Variants in GRID2 observed in about 807,000 individuals in gnomAD.
GRID2 encodes glutamate ionotropic receptor delta type subunit 2.
Under a neutral mutation model 114.8 loss-of-function variants are expected in GRID2, and 33 were observed. That is an observed-to-expected ratio of 0.29 (90% CI 0.22 to 0.38). GRID2 has a LOEUF of 0.38. Ranked by LOEUF, GRID2 falls within the 10% of genes least tolerant of loss-of-function variation. The pLI is 1.00. For missense variants in GRID2, 1,184 were observed against 1,257.7 expected (o/e 0.94, Z 0.89); for synonymous variants, 505 against 449.9 (o/e 1.12, Z -1.55).
chr4:92,970,960 A>G (rs970528320), intron 2 of GRID2, among the ~76,000 whole-genome samples: 3 of 151,770 alleles, frequency 2.0e-5, no homozygotes, highest in Non-Finnish European at 4.4e-5. Context: ...ATATATATGT[A>G]TATATACATC....
At position 93,684,522 on chromosome 4, in the gene GRID2, G is replaced by A. The variant is rs998399039; in HGVS notation, c.2360+58087G>A. On this transcript the variant is annotated intron_variant, in intron 14 of 15. Coordinates refer to ENST00000282020, the MANE Select transcript of GRID2 (RefSeq NM_001510.4). ...AGTTTCTTTTGGGGTGAAACAAAGA[G>A]AATGCTAAATTAATGAGTTTGACTC... Among the ~76,000 whole-genome samples, 4 of 152,188 alleles carry A rather than the reference G, an allele frequency of 2.6e-5. No individual in the cohort carries two copies. In the Middle Eastern group the frequency reaches 0.014, roughly 518 times the overall value.
At chr4:92,782,853 G>A (rs191365621) in intron 2 of GRID2, among the ~76,000 whole-genome samples, 1 of 152,046 alleles carries the variant, frequency 6.6e-6, no homozygotes, top group Non-Finnish European at 1.5e-5. Context: ...AGTTGGATTA[G>A]TACTAAAAGA....
At chr4:92,990,291 A>G (rs867924253) in intron 2 of GRID2, among the ~76,000 whole-genome samples, 2,152 of 115,322 alleles carry the variant, frequency 0.019, 89 homozygotes, top group African/African-American at 0.066. Flanking sequence ...GTGTGTGTAT[A>G]TATATATATA....
At chr4:93,538,864 G>A (rs1016306069) in intron 13 of GRID2, among the ~76,000 whole-genome samples, 4 of 150,996 alleles carry the variant, frequency 2.6e-5, no homozygotes, top group Non-Finnish European at 4.4e-5. Context: ...TGATAGGGTT[G>A]GGAACAGAAA....
chr4:92,520,513 G>T (rs936391076), intron 1 of GRID2, among the ~76,000 whole-genome samples: 1 of 151,934 alleles, frequency 6.6e-6, no homozygotes, highest in Non-Finnish European at 1.5e-5. Context: ...CATCTCTGCT[G>T]ATTGTGTTTC....
intron 8 of GRID2, among the ~76,000 whole-genome samples, chr4:93,384,334 G>A (rs761527887): frequency 2.0e-5 from 3 of 152,136 alleles, no homozygotes; most frequent in South Asian, 2.1e-4. Context: ...CACAGGGATA[G>A]GAGGAATTAT....
At chr4:93,461,613 T>C (rs192955197) in intron 11 of GRID2, among the ~76,000 whole-genome samples, 1 of 152,240 alleles carries the variant, frequency 6.6e-6, no homozygotes, top group East Asian at 1.9e-4. Context: ...CCTGACATTT[T>C]AAAAAATCTG....
At chr4:93,181,328 A>AGTAAAAGCTG (rs1739876036) in intron 4 of GRID2, among the ~76,000 whole-genome samples, 1 of 152,192 alleles carries the variant, frequency 6.6e-6, no homozygotes, top group Non-Finnish European at 1.5e-5. Context: ...TGCTGTAAAC[A>AGTAAAAGCTG]GATGTGCTGT....
intron 2 of GRID2, among the ~76,000 whole-genome samples, chr4:92,947,152 C>T (rs575520863): frequency 1.3e-5 from 2 of 152,114 alleles, no homozygotes; most frequent in East Asian, 3.9e-4. Flanking sequence ...ACCAATATCT[C>T]ACAGTCTTGG....
intron 13 of GRID2, among the ~76,000 whole-genome samples, chr4:93,556,019 GA>G (rs1734284430): frequency 3.9e-5 from 6 of 152,162 alleles, no homozygotes; most frequent in South Asian, 2.1e-4. Context: ...AGAAGGGCCT[GA>G]CTGTTAGAAG....
At chr4:93,125,056 T>C (rs1360673069) in intron 4 of GRID2, among the ~76,000 whole-genome samples, 1 of 152,106 alleles carries the variant, frequency 6.6e-6, no homozygotes, top group Non-Finnish European at 1.5e-5. Context: ...TGTTTTGTTT[T>C]TTGAGGTAAG....
rs1054849074 is a variant in GRID2 at position 93,396,340 on chromosome 4, A to G, written c.1347+632A>G. Among the ~76,000 whole-genome samples, 4 of 152,084 alleles carry G rather than the reference A, an allele frequency of 2.6e-5. No individual in the cohort carries two copies. In the East Asian group the frequency reaches 7.7e-4, roughly 29 times the overall value. ...AATAGGATTACAGTAGTTTCCCTTTATCTGTGGGGGATGCATTCCAAGACC... is the reference window on the plus strand; with the variant it reads ...AATAGGATTACAGTAGTTTCCCTTTGTCTGTGGGGGATGCATTCCAAGACC... On this transcript the variant is annotated intron_variant, in intron 9 of 15. Transcript: ENST00000282020.
chr4:92,511,674 GTC>G (rs1369899933), intron 1 of GRID2, among the ~76,000 whole-genome samples: 4 of 151,858 alleles, frequency 2.6e-5, no homozygotes, highest in African/African-American at 9.7e-5. Context: ...AGGATTAAAA[GTC>G]TAGTTGAATC....
At chr4:92,396,856 C>T (rs2110271629) in intron 1 of GRID2, among the ~76,000 whole-genome samples, 1 of 152,096 alleles carries the variant, frequency 6.6e-6, no homozygotes, top group South Asian at 2.1e-4. Flanking sequence ...GTAGTGTTGA[C>T]CTAGCAACAA....
intron 2 of GRID2, among the ~76,000 whole-genome samples, chr4:93,084,619 A>T (rs1730169111): frequency 6.6e-6 from 1 of 152,210 alleles, no homozygotes; most frequent in Non-Finnish European, 1.5e-5. Flanking sequence ...TCTGAATTAT[A>T]AATTGATAAT....
intron 2 of GRID2, among the ~76,000 whole-genome samples, chr4:92,943,190 G>T (rs1428616215): frequency 1.3e-5 from 2 of 152,118 alleles, no homozygotes; most frequent in Admixed American, 1.3e-4. Flanking sequence ...CATTCTCCCT[G>T]TCACTTTCAG....
chr4:93,138,636 G>A (rs1560919159), intron 4 of GRID2, among the ~76,000 whole-genome samples: 1 of 152,048 alleles, frequency 6.6e-6, no homozygotes. Flanking sequence ...CCAGACAACC[G>A]ATAATCACCT....
intron 1 of GRID2, among the ~76,000 whole-genome samples, chr4:92,341,739 C>A (rs992540372): frequency 6.6e-6 from 1 of 151,724 alleles, no homozygotes; most frequent in African/African-American, 2.4e-5. Context: ...ACGGTGAAAC[C>A]CCATCTCTAC....
chr4:93,089,669 C>T (rs1222538255), intron 3 of GRID2, among the ~76,000 whole-genome samples: 1 of 151,924 alleles, frequency 6.6e-6, no homozygotes, highest in African/African-American at 2.4e-5. Flanking sequence ...ATCTGTAGTC[C>T]CGGGATATCT....
Sources: allele counts gnomAD v4.1 joint callset (sites outside exome capture counted in the v4.1 genomes callset), GRCh38; gene constraint gnomAD v4.1.1; transcripts MANE v1.5; gene names NCBI Gene and HGNC (gene_info 2026-07-23, HGNC 2026-07-21).